The following METTL21A variants were observed in gnomAD, a reference collection of about 807,000 sequenced individuals.
The protein encoded by METTL21A is protein N-lysine methyltransferase METTL21A.
Under a neutral mutation model 20.9 loss-of-function variants are expected in METTL21A, and 22 were observed. That is an observed-to-expected ratio of 1.05 (90% confidence interval 0.75 to 1.50). The LOEUF is 1.50. METTL21A is among the 40% of genes most tolerant of loss of function. METTL21A has a pLI of 0.00. For synonymous variants in METTL21A, 93 were observed against 102.0 expected (o/e 0.91, Z 0.53); for missense variants, 271 against 266.8 (o/e 1.02, Z -0.11).
chr2:207,586,607 G>T (rs1383849206), intron 3 of METTL21A, among the ~76,000 whole-genome samples: 1 of 152,156 alleles, frequency 6.6e-6, no homozygotes, highest in Non-Finnish European at 1.5e-5. Context: ...AAAGGAAACA[G>T]AGTGAAGAGA....
At chr2:207,601,247 T>C (rs755262531) in intron 3 of METTL21A, 3 of 185,686 alleles carry the variant, frequency 1.6e-5, no homozygotes, top group Non-Finnish European at 3.4e-5. Context: ...AAATGTTTGG[T>C]GTAACTTGCA....
exon 2 of METTL21A, chr2:207,624,232 A>C: frequency 6.2e-7 from 1 of 1,601,874 alleles, no homozygotes; most frequent in East Asian, 2.2e-5. Context: ...TACTTACCGC[A>C]TCCCAAACCA....
At chr2:207,617,061 A>G (rs974032982) in intron 3 of METTL21A, among the ~76,000 whole-genome samples, 1 of 152,226 alleles carries the variant, frequency 6.6e-6, no homozygotes, top group African/African-American at 2.4e-5. Context: ...TATTTAGTTC[A>G]GAAAAGACTA....
intron 3 of METTL21A, chr2:207,600,209 G>A (rs2106636849): frequency 5.9e-6 from 1 of 170,914 alleles, no homozygotes; most frequent in Admixed American, 6.7e-5. Context: ...TATTCTTGGG[G>A]GGGGTGGCAT....
chr2:207,614,498 T>C (rs772346737), intron 3 of METTL21A, among the ~76,000 whole-genome samples: 23 of 152,144 alleles, frequency 1.5e-4, no homozygotes, highest in Admixed American at 1.4e-3. Context: ...AAGAAATAAA[T>C]TGGCTACTAA....
intron 3 of METTL21A, among the ~76,000 whole-genome samples, chr2:207,589,704 T>G (rs1250295344): frequency 1.3e-5 from 2 of 152,250 alleles, no homozygotes; most frequent in African/African-American, 4.8e-5. Flanking sequence ...TTCCAGAATC[T>G]ACTGAGGTGA....
At chr2:207,604,417 G>A (rs768798446), downstream of METTL21A, among the ~76,000 whole-genome samples, 1 of 152,054 alleles carries the variant, frequency 6.6e-6, no homozygotes, top group Non-Finnish European at 1.5e-5. Context: ...AAATTGTTTA[G>A]GGGAAACCTA....
At chr2:207,605,543 G>A (rs1289366968), downstream of METTL21A, among the ~76,000 whole-genome samples, 2 of 151,708 alleles carry the variant, frequency 1.3e-5, no homozygotes. Flanking sequence ...AAGAAACATG[G>A]AAAAGGGCAA....
chr2:207,616,079 C>T (rs894117221), intron 3 of METTL21A, among the ~76,000 whole-genome samples: 1 of 152,022 alleles, frequency 6.6e-6, no homozygotes, highest in East Asian at 1.9e-4. Context: ...TTTAACCTCA[C>T]GATACAGGCT....
intron 3 of METTL21A, chr2:207,602,578 T>C (rs1034743321): frequency 1.2e-4 from 26 of 211,154 alleles, no homozygotes; most frequent in Non-Finnish European, 2.3e-4. Context: ...TAAAAATTGG[T>C]AGGGAGGAAG....
intron 3 of METTL21A, among the ~76,000 whole-genome samples, chr2:207,583,178 G>A (rs1169864092): frequency 1.3e-5 from 2 of 152,032 alleles, no homozygotes; most frequent in Non-Finnish European, 2.9e-5. Context: ...TAGGTTATAT[G>A]CAAATATAAT....
At chr2:207,621,728 A>G in intron 3 of METTL21A, 78 bp downstream of exon 3, 1 of 1,245,658 alleles carries the variant, frequency 8.0e-7, no homozygotes, top group Non-Finnish European at 1.2e-6. Flanking sequence ...AAACCCACGA[A>G]GGGTTTTGCG....
At chr2:207,594,396 G>A (rs1253029126) in intron 3 of METTL21A, among the ~76,000 whole-genome samples, 1 of 151,966 alleles carries the variant, frequency 6.6e-6, no homozygotes, top group East Asian at 1.9e-4. Flanking sequence ...CGTTCCCCCA[G>A]CCCCTGGCAG....
intron 3 of METTL21A, 40 bp downstream of exon 3, chr2:207,621,766 A>G (rs771429657): frequency 7.8e-6 from 12 of 1,539,132 alleles, no homozygotes; most frequent in African/African-American, 2.7e-5. Context: ...GCACCTCTCA[A>G]TGAGTTCTGC....
At chr2:207,616,311 A>G (rs2089730445) in intron 3 of METTL21A, among the ~76,000 whole-genome samples, 2 of 152,388 alleles carry the variant, frequency 1.3e-5, no homozygotes, top group Admixed American at 6.5e-5. Context: ...ACATCACCTC[A>G]GTATTCATTT....
intron 3 of METTL21A, among the ~76,000 whole-genome samples, chr2:207,595,465 A>G (rs1371415707): frequency 6.6e-6 from 1 of 151,730 alleles, no homozygotes; most frequent in African/African-American, 2.4e-5. Flanking sequence ...CTGTCTCCCA[A>G]GCTGTGGTAT....
chr2:207,583,106 T>C (rs1303330222), intron 3 of METTL21A, among the ~76,000 whole-genome samples: 1 of 152,132 alleles, frequency 6.6e-6, no homozygotes, highest in African/African-American at 2.4e-5. Context: ...ACATAGTATT[T>C]ACATTGTATT....
rs576352210 is a variant in METTL21A at position 207,600,395 on chromosome 2, G to A, written c.260-18235C>T. The A allele has an allele frequency of 1.7e-4, 33 of 192,860 alleles. No individual in the cohort carries two copies. In the South Asian group the frequency reaches 5.6e-3, roughly 33 times the overall value. The allele number at this position is 192,860 out of a possible 1,614,324, so 11.9% of individuals were successfully genotyped here. On this transcript the variant is annotated intron_variant, in intron 3 of 3. Transcript: ENST00000425132. ...ATTCCTTCTGGTAGTTTCTATGACT[G>A]CATTACTCCAGCACTCATGATTGAT...
chr2:207,595,451 C>G (rs916773421), intron 3 of METTL21A, among the ~76,000 whole-genome samples: 6 of 151,546 alleles, frequency 4.0e-5, no homozygotes, highest in Non-Finnish European at 8.8e-5. Context: ...GAGACAGCAT[C>G]TTGCTGTCTC....
Sources: gnomAD v4.1 joint callset for allele counts (sites outside exome capture counted in the v4.1 genomes callset) on GRCh38, gnomAD v4.1.1 for gene constraint, MANE v1.5 for transcripts, NCBI Gene and HGNC (gene_info 2026-07-23, HGNC 2026-07-21) for gene names.